Variants in SRD5A1 observed in about 807,000 individuals in gnomAD.
The protein encoded by SRD5A1 is steroid 5 alpha-reductase 1, also known as 3-oxo-5-alpha-steroid 4-dehydrogenase 1.
A neutral mutation model predicts 28.2 loss-of-function variants in SRD5A1; 22 were observed. The ratio of observed to expected loss-of-function variants is 0.78; its 90% CI spans 0.56 to 1.12. SRD5A1 has a LOEUF of 1.12. Ranked by LOEUF, SRD5A1 falls within the 50% of genes most tolerant of loss-of-function variation. SRD5A1 has a pLI of 0.00. For synonymous variants in SRD5A1, 151 were observed against 135.0 expected (o/e 1.12, Z -0.82); for missense variants, 300 against 346.7 (o/e 0.87, Z 1.07).
intron 1 of SRD5A1, among the ~76,000 whole-genome samples, chr5:6,641,236 A>G (rs1377083083): frequency 6.6e-6 from 1 of 152,182 alleles, no homozygotes; most frequent in Non-Finnish European, 1.5e-5. Context: ...TCTAGAGTCT[A>G]AACAAAGACT....
intron 1 of SRD5A1, among the ~76,000 whole-genome samples, chr5:6,645,972 C>G (rs562667149): frequency 3.9e-5 from 6 of 152,212 alleles, no homozygotes; most frequent in Non-Finnish European, 7.4e-5. Flanking sequence ...TTAGGTATTT[C>G]TCCTAATGCT....
Position 6,673,304 on chromosome 5 carries a change from G to A in SRD5A1, c.*5036G>A, listed in dbSNP as rs568163185. 1.3e-4 allele frequency: 20 copies of A among 152,242 alleles called. No homozygotes were observed. The highest frequency in any genetic ancestry group is 4.8e-4 in the African/African-American group (20 of 41,538). 9.4% of individuals were successfully genotyped at this position (152,242 alleles called of 1,614,324 possible). A position where few individuals can be genotyped will look rare whatever the true frequency, so the allele number is the denominator to read the frequency against. On this transcript the variant is annotated 3_prime_UTR_variant, in exon 5 of 5. Transcript: ENST00000274192. ...CTCCATCAGGCCCATGAAGGAAAGG[G>A]AAACAAAACTGAGTGCCAAGCATAT... is the stretch of plus-strand genomic sequence containing the variant.
chr5:6,641,636 A>G (rs1359996901), intron 1 of SRD5A1, among the ~76,000 whole-genome samples: 7 of 152,242 alleles, frequency 4.6e-5, no homozygotes, highest in Admixed American at 3.3e-4. Flanking sequence ...GGCAGGAATC[A>G]GAGAACACCA....
intron 1 of SRD5A1, among the ~76,000 whole-genome samples, chr5:6,646,366 G>A (rs904050074): frequency 6.6e-5 from 10 of 152,206 alleles, no homozygotes; most frequent in East Asian, 1.9e-4. Flanking sequence ...ACCCAGTAAC[G>A]GGATTGCTGG....
At chr5:6,652,281 G>C (rs1738702071) in intron 2 of SRD5A1, among the ~76,000 whole-genome samples, 2 of 152,222 alleles carry the variant, frequency 1.3e-5, no homozygotes, top group Non-Finnish European at 2.9e-5. Flanking sequence ...GCAGTGGGCT[G>C]TAGCAGAATG....
intron 2 of SRD5A1, among the ~76,000 whole-genome samples, chr5:6,654,926 A>G (rs1406296047): frequency 6.6e-6 from 1 of 152,240 alleles, no homozygotes; most frequent in Admixed American, 6.5e-5. Flanking sequence ...AAATACTAAA[A>G]TCCCAAAAAG....
chr5:6,633,897 C>G, intron 1 of SRD5A1, 28 bp downstream of exon 1: 4 of 1,592,984 alleles, frequency 2.5e-6, no homozygotes, highest in Non-Finnish European at 3.4e-6. Context: ...CGGCCCCCTA[C>G]CCTACTCCCG....
rs1043481243 is a variant in SRD5A1, at chr5:6,669,745, G to C, written c.*1477G>C. ...TTTATGATTTTTAAAGTAGCCTTGA[G>C]AGCTTCCAGTTAAATCTGATGAGCT... is the stretch of plus-strand genomic sequence containing the variant. On this transcript the variant is annotated 3_prime_UTR_variant, in exon 5 of 5. Coordinates refer to ENST00000274192, the MANE Select transcript of SRD5A1 (RefSeq NM_001047.4). 3.9e-5 allele frequency: 6 copies of C among 152,200 alleles called. No homozygotes were observed. The highest frequency in any genetic ancestry group is 1.4e-4 in the African/African-American group (6 of 41,444). The allele number at this position is 152,200 out of a possible 1,614,324, so 9.4% of individuals were successfully genotyped here.
Position 6,652,025 on chromosome 5 carries a change from G to A in SRD5A1, c.460+17G>A, listed in dbSNP as rs777380034. The A allele has an allele frequency of 1.2e-6, 2 of 1,608,398 alleles. No homozygotes were observed. The highest frequency in any genetic ancestry group is 1.7e-6 in the Non-Finnish European group (2 of 1,175,852). Reference sequence around the variant, plus strand: ...TTCTAATAGGTGAGTGTCCACAGCAGTGAACTCCGCCTTGTTCACATCATT... The same window carrying A: ...TTCTAATAGGTGAGTGTCCACAGCAATGAACTCCGCCTTGTTCACATCATT... On this transcript the variant is annotated intron_variant, in intron 2 of 4. Transcript: ENST00000274192.
intron 1 of SRD5A1, among the ~76,000 whole-genome samples, chr5:6,646,164 G>T (rs377675419): frequency 1.3e-5 from 2 of 152,280 alleles, no homozygotes; most frequent in Admixed American, 1.3e-4. Context: ...TCCCTGCAAA[G>T]GATATGAACT....
rs1044229070 is a variant in SRD5A1 at position 6,639,786 on chromosome 5, C to T, written c.293+5917C>T. On this transcript the variant is annotated intron_variant, in intron 1 of 4. Transcript: ENST00000274192. ...GATACTTGTCAATATTGTATGTGAA[C>T]AAACTTACAGGTGAAATACATGCTT... Among the ~76,000 whole-genome samples the T allele has an allele frequency of 9.2e-5, 14 of 152,116 alleles. No homozygotes were observed. In the East Asian group the frequency reaches 1.3e-3, roughly 15 times the overall value.
chr5:6,661,410 AG>A (rs11402127), intron 3 of SRD5A1, among the ~76,000 whole-genome samples: 2 of 150,054 alleles, frequency 1.3e-5, no homozygotes, highest in Admixed American at 1.3e-4. Flanking sequence ...AAAAAAAAAA[AG>A]GTAGCCAAAA....
chr5:6,665,809 A>G (rs780635741), intron 4 of SRD5A1, among the ~76,000 whole-genome samples: 3 of 152,356 alleles, frequency 2.0e-5, no homozygotes, highest in Admixed American at 2.0e-4. Context: ...TGAATATGAA[A>G]CATATAGAAA....
intron 1 of SRD5A1, among the ~76,000 whole-genome samples, chr5:6,642,697 G>A (rs1313533339): frequency 6.6e-6 from 1 of 152,224 alleles, no homozygotes; most frequent in Admixed American, 6.5e-5. Flanking sequence ...TATCAAGTCT[G>A]CAGTAAAAGC....
At chr5:6,641,032 G>A (rs889134983) in intron 1 of SRD5A1, among the ~76,000 whole-genome samples, 8 of 152,184 alleles carry the variant, frequency 5.3e-5, no homozygotes, top group Non-Finnish European at 1.2e-4. Flanking sequence ...AGGAGAAGGG[G>A]CTGTGAGTGC....
intron 1 of SRD5A1, among the ~76,000 whole-genome samples, chr5:6,643,480 T>C (rs1192448151): frequency 6.6e-6 from 1 of 152,130 alleles, no homozygotes; most frequent in Non-Finnish European, 1.5e-5. Context: ...AATTTTCATA[T>C]TTTTTGTAGA....
At chr5:6,661,252 C>T (rs1738990100) in intron 3 of SRD5A1, among the ~76,000 whole-genome samples, 1 of 151,914 alleles carries the variant, frequency 6.6e-6, no homozygotes, top group Non-Finnish European at 1.5e-5. Flanking sequence ...AAAAATAGAC[C>T]ATCTCAGGCT....
At chr5:6,663,863 A>AG (rs1215377795) in intron 4 of SRD5A1, among the ~76,000 whole-genome samples, 1 of 152,126 alleles carries the variant, frequency 6.6e-6, no homozygotes, top group African/African-American at 2.4e-5. Flanking sequence ...CAGTCTCAAA[A>AG]AAAAAAGAAA....
intron 4 of SRD5A1, among the ~76,000 whole-genome samples, chr5:6,667,176 G>A (rs773962861): frequency 8.1e-4 from 124 of 152,318 alleles, no homozygotes; most frequent in Non-Finnish European, 1.5e-3. Context: ...GGGTCCATGC[G>A]CCACCACTGA....
Sources: gnomAD v4.1 joint callset for allele counts (sites outside exome capture counted in the v4.1 genomes callset) on GRCh38, gnomAD v4.1.1 for gene constraint, MANE v1.5 for transcripts, NCBI Gene and HGNC (gene_info 2026-07-23, HGNC 2026-07-21) for gene names.